The following LRRTM4 variants were observed in gnomAD, a reference collection of about 807,000 sequenced individuals.
LRRTM4 encodes leucine rich repeat transmembrane neuronal 4.
A neutral mutation model predicts 47.6 loss-of-function variants in LRRTM4; 25 were observed. The observed-to-expected ratio is 0.53, with a 90% CI of 0.38 to 0.73. The LOEUF (loss-of-function observed/expected upper bound fraction) is 0.73. Ranked by LOEUF, LRRTM4 falls within the 30% of genes least tolerant of loss-of-function variation. The pLI is 0.00. For synonymous variants in LRRTM4, 311 were observed against 269.5 expected, an observed-to-expected ratio of 1.15 and a Z score of -1.51; for missense variants, 638 against 713.4, an observed-to-expected ratio of 0.89 and a Z score of 1.20.
intron 3 of LRRTM4, among the ~76,000 whole-genome samples, chr2:77,017,855 A>G (rs1414087458): frequency 6.6e-6 from 1 of 152,156 alleles, no homozygotes; most frequent in Non-Finnish European, 1.5e-5. Context: ...ATATTTAGCA[A>G]GTCTGCATAA....
chr2:76,888,630 T>C (rs552243759), intron 3 of LRRTM4, among the ~76,000 whole-genome samples: 3 of 151,964 alleles, frequency 2.0e-5, no homozygotes, highest in Admixed American at 2.0e-4. Flanking sequence ...TTACCCAGTT[T>C]CAAATTATAT....
At chr2:76,878,801 G>A (rs1365956147) in intron 3 of LRRTM4, among the ~76,000 whole-genome samples, 7 of 152,098 alleles carry the variant, frequency 4.6e-5, no homozygotes, top group Admixed American at 4.6e-4. Flanking sequence ...TTGAACCCAG[G>A]AGGCGGAACT....
Position 77,516,613 on chromosome 2 carries a change from G to C in LRRTM4, c.1551+1705C>G, listed in dbSNP as rs888621890. The C allele has an allele frequency of 8.1e-6, 8 of 982,560 alleles. No homozygotes were observed. In the African/African-American group the frequency reaches 1.4e-4, roughly 17 times the overall value. 60.9% of individuals were successfully genotyped at this position (982,560 alleles called of 1,614,324 possible). ...ATGAACTTGTGTTACTAATACTCAA[G>C]TATATTGTATAATTGTGGGCCTGCA... On this transcript the variant is annotated intron_variant, in intron 3 of 3. Transcript: ENST00000409884.
chr2:77,075,826 A>G (rs891157626), intron 3 of LRRTM4, among the ~76,000 whole-genome samples: 1 of 141,108 alleles, frequency 7.1e-6, no homozygotes, highest in Non-Finnish European at 1.5e-5. Context: ...GAGGCAGGAG[A>G]ATGGCGTGAA....
At chr2:76,791,177 C>T (rs776403345) in intron 3 of LRRTM4, among the ~76,000 whole-genome samples, 1 of 152,094 alleles carries the variant, frequency 6.6e-6, no homozygotes, top group Non-Finnish European at 1.5e-5. Context: ...GATAGAACCA[C>T]AGGGCATTAG....
At chr2:77,180,803 G>A (rs1256518543) in intron 3 of LRRTM4, among the ~76,000 whole-genome samples, 1 of 152,112 alleles carries the variant, frequency 6.6e-6, no homozygotes, top group Non-Finnish European at 1.5e-5. Flanking sequence ...TTTGAAAGGA[G>A]AAATCGTGAA....
At chr2:77,284,027 T>C (rs1676583932) in intron 3 of LRRTM4, among the ~76,000 whole-genome samples, 1 of 152,004 alleles carries the variant, frequency 6.6e-6, no homozygotes, top group Non-Finnish European at 1.5e-5. Flanking sequence ...AGGAAACAAA[T>C]AGAGCATCTC....
intron 3 of LRRTM4, among the ~76,000 whole-genome samples, chr2:77,003,310 C>T (rs1020435158): frequency 1.3e-5 from 2 of 151,766 alleles, no homozygotes; most frequent in Non-Finnish European, 2.9e-5. Flanking sequence ...ATATTAACTA[C>T]TTATGTAGAG....
intron 3 of LRRTM4, among the ~76,000 whole-genome samples, chr2:77,262,470 C>A (rs1256239644): frequency 2.0e-5 from 3 of 151,054 alleles, no homozygotes; most frequent in African/African-American, 7.4e-5. Context: ...TAATTAAAGT[C>A]TGTACTTTAT....
chr2:77,457,038 A>G (rs1171439714), intron 3 of LRRTM4, among the ~76,000 whole-genome samples: 1 of 25,086 alleles, frequency 4.0e-5, no homozygotes, highest in Non-Finnish European at 9.0e-5. Context: ...ATATATATAT[A>G]TATATATATA....
chr2:76,874,343 TTTTC>T (rs1672720538), intron 3 of LRRTM4, among the ~76,000 whole-genome samples: 3 of 151,996 alleles, frequency 2.0e-5, no homozygotes. Flanking sequence ...TGTCTGAATC[TTTTC>T]TTTGTTTATT....
In LRRTM4 at chr2:77,362,170, A is replaced by AAAGAAAGAAAGAAAGAAAGAAAGGAAGG. The variant is rs1282143102; in HGVS notation, c.1551+156147_1551+156148insCCTTCCTTTCTTTCTTTCTTTCTTTCTT. On this transcript the variant is annotated intron_variant, in intron 3 of 3. Coordinates refer to ENST00000409884, the MANE Select transcript of LRRTM4 (RefSeq NM_001134745.3). The stretch of plus-strand genomic sequence containing the variant: ...GAAAGAAAGAAAGAAAGAAAGAAAG[A>AAAGAAAGAAAGAAAGAAAGAAAGGAAGG]AAGGAAGGAAGGAAGAGTTCTTAAT... Among the ~76,000 whole-genome samples the AAAGAAAGAAAGAAAGAAAGAAAGGAAGG allele has an allele frequency of 4.6e-4, 62 of 133,570 alleles. 1 individual carries two copies. Among genetic ancestry groups the AAAGAAAGAAAGAAAGAAAGAAAGGAAGG allele is most frequent in the South Asian group, 9.4e-4 (4 of 4,242 alleles). The allele number at this position is 133,570 out of a possible 152,430, so 87.6% of individuals were successfully genotyped here. A position where few individuals can be genotyped will look rare whatever the true frequency, so the allele number is the denominator to read the frequency against.
chr2:76,994,858 G>A (rs1008109600), intron 3 of LRRTM4, among the ~76,000 whole-genome samples: 4 of 151,864 alleles, frequency 2.6e-5, no homozygotes, highest in African/African-American at 9.7e-5. Context: ...TGCACACAAA[G>A]TTTTATTTAA....
intron 3 of LRRTM4, among the ~76,000 whole-genome samples, chr2:77,099,333 C>G (rs1276331934): frequency 2.6e-5 from 4 of 151,824 alleles, no homozygotes; most frequent in Non-Finnish European, 5.9e-5. Context: ...ATACATCTCA[C>G]AAAAACATGA....
chr2:77,477,879 AAGAG>A (rs1301409755), intron 3 of LRRTM4, among the ~76,000 whole-genome samples: 5 of 140,808 alleles, frequency 3.6e-5, no homozygotes, highest in East Asian at 4.1e-4. Context: ...GAAAGAAAGA[AAGAG>A]AAAGAAAGAA....
At chr2:76,987,860 C>A (rs1263666003) in intron 3 of LRRTM4, among the ~76,000 whole-genome samples, 2 of 151,608 alleles carry the variant, frequency 1.3e-5, no homozygotes, top group African/African-American at 4.8e-5. Flanking sequence ...CTAAAAGGGC[C>A]AGGAAATATA....
intron 3 of LRRTM4, among the ~76,000 whole-genome samples, chr2:76,991,419 A>G (rs1392644252): frequency 1.3e-5 from 2 of 151,638 alleles, no homozygotes; most frequent in Non-Finnish European, 3.0e-5. Context: ...AGGAAAAAAG[A>G]AGATTGCCCA....
At chr2:77,307,143 G>A (rs865932479) in intron 3 of LRRTM4, among the ~76,000 whole-genome samples, 9 of 151,476 alleles carry the variant, frequency 5.9e-5, no homozygotes, top group Admixed American at 2.6e-4. Context: ...CTCGTGATCC[G>A]CCCGCCTCGG....
At chr2:76,827,149 T>C (rs895437833) in intron 3 of LRRTM4, among the ~76,000 whole-genome samples, 1 of 151,878 alleles carries the variant, frequency 6.6e-6, no homozygotes, top group African/African-American at 2.4e-5. Flanking sequence ...GCAGAGGAGA[T>C]AATGTGCTGG....
Sources: gnomAD v4.1 joint callset for allele counts (sites outside exome capture counted in the v4.1 genomes callset) on GRCh38, gnomAD v4.1.1 for gene constraint, MANE v1.5 for transcripts, NCBI Gene and HGNC (gene_info 2026-07-23, HGNC 2026-07-21) for gene names.